Variants in DRC9 observed in about 807,000 individuals in gnomAD.
DRC9 encodes the protein dynein regulatory complex subunit 9, also known as dynein regulatory complex protein 9.
chr3:197,925,051 A>G, the DRC9 span, among the ~76,000 whole-genome samples: 1 of 152,290 alleles, frequency 6.6e-6, no homozygotes, highest in African/African-American at 2.4e-5. Flanking sequence ...AATGAAGCCC[A>G]ACCACTATGT....
the DRC9 span, among the ~76,000 whole-genome samples, chr3:197,919,636 A>G: frequency 1.3e-5 from 2 of 152,192 alleles, no homozygotes; most frequent in Non-Finnish European, 2.9e-5. Flanking sequence ...TTACTAATAA[A>G]AAGAGGCAGT....
At chr3:197,941,124 G>C in the DRC9 span, among the ~76,000 whole-genome samples, 2 of 150,936 alleles carry the variant, frequency 1.3e-5, no homozygotes, top group Non-Finnish European at 3.0e-5. Flanking sequence ...CCATTTGTTT[G>C]TCCTTCCTTC....
chr3:197,916,881 TAA>T, the DRC9 span, among the ~76,000 whole-genome samples: 7 of 139,294 alleles, frequency 5.0e-5, no homozygotes, highest in East Asian at 2.1e-4. Context: ...AATGATGAAC[TAA>T]AAAAAAAAAA....
the DRC9 span, chr3:197,938,858 T>A: frequency 9.8e-7 from 1 of 1,017,514 alleles, no homozygotes; most frequent in Non-Finnish European, 1.5e-6. Context: ...GTGTACATTT[T>A]TCAACATTAT....
At chr3:197,925,645 A>G in the DRC9 span, among the ~76,000 whole-genome samples, 2 of 148,432 alleles carry the variant, frequency 1.3e-5, no homozygotes, top group Non-Finnish European at 3.0e-5. Flanking sequence ...CTGGAGTTCA[A>G]TGGTGCAATC....
chr3:197,892,416 G>A, the DRC9 span, among the ~76,000 whole-genome samples: 4 of 152,172 alleles, frequency 2.6e-5, no homozygotes, highest in Non-Finnish European at 5.9e-5. Context: ...CATCTAAAAA[G>A]AATCCTGGTG....
At chr3:197,927,314 C>T in the DRC9 span, among the ~76,000 whole-genome samples, 1 of 152,200 alleles carries the variant, frequency 6.6e-6, no homozygotes, top group East Asian at 1.9e-4. Flanking sequence ...GCAACCTCCG[C>T]CTCCCGGGTT....
chr3:197,931,614 A>AC, the DRC9 span, among the ~76,000 whole-genome samples: 1 of 147,810 alleles, frequency 6.8e-6, no homozygotes, highest in South Asian at 2.2e-4. Flanking sequence ...AATTAAATCT[A>AC]TTTTTTTTTT....
At chr3:197,931,800 A>G in the DRC9 span, among the ~76,000 whole-genome samples, 1 of 151,058 alleles carries the variant, frequency 6.6e-6, no homozygotes, top group African/African-American at 2.4e-5. Flanking sequence ...AATTTTTTGT[A>G]TTTTTTAGTA....
At chr3:197,932,007 C>G in the DRC9 span, among the ~76,000 whole-genome samples, 2 of 152,160 alleles carry the variant, frequency 1.3e-5, no homozygotes, top group Non-Finnish European at 2.9e-5. Context: ...TCCTAGAAAT[C>G]TGACTTATTG....
the DRC9 span, among the ~76,000 whole-genome samples, chr3:197,893,357 C>CAAAAAA: frequency 3.4e-3 from 148 of 43,116 alleles, 5 homozygotes; most frequent in African/African-American, 8.8e-3. Flanking sequence ...AACTCCGTCT[C>CAAAAAA]AAAAAAAAAA....
At chr3:197,914,342 A>G in the DRC9 span, among the ~76,000 whole-genome samples, 4 of 152,222 alleles carry the variant, frequency 2.6e-5, no homozygotes, top group African/African-American at 9.6e-5. Flanking sequence ...ACACTGGTCA[A>G]AATGATCAAA....
the DRC9 span, among the ~76,000 whole-genome samples, chr3:197,918,468 A>G: frequency 6.6e-6 from 1 of 152,046 alleles, no homozygotes; most frequent in African/African-American, 2.4e-5. Context: ...TTCTTCATCA[A>G]CTGGAATCCT....
chr3:197,936,344 G>A, the DRC9 span, among the ~76,000 whole-genome samples: 4 of 152,018 alleles, frequency 2.6e-5, no homozygotes, highest in East Asian at 3.8e-4. Context: ...AAGAGTTGTA[G>A]TTTTTTTGTT....
chr3:197,913,991 C>T, the DRC9 span: 2 of 1,614,008 alleles, frequency 1.2e-6, no homozygotes, highest in East Asian at 4.5e-5. Flanking sequence ...TTGGATTTTG[C>T]CTTCATCTCT....
the DRC9 span, chr3:197,916,209 G>A: frequency 6.6e-6 from 1 of 151,460 alleles, no homozygotes; most frequent in Non-Finnish European, 1.5e-5. Context: ...TTGGCTTCAA[G>A]GGATCCTCCT....
chr3:197,899,420 T>C, the DRC9 span, among the ~76,000 whole-genome samples: 1 of 152,106 alleles, frequency 6.6e-6, no homozygotes, highest in Non-Finnish European at 1.5e-5. Flanking sequence ...GTGGAATATA[T>C]AAACACAAAG....
the DRC9 span, chr3:197,953,368 C>T: frequency 1.1e-5 from 5 of 449,858 alleles, no homozygotes; most frequent in Non-Finnish European, 2.2e-5. Context: ...AAGACAACCC[C>T]GTGGTCTTTA....
chr3:197,912,578 T>C, the DRC9 span: 2 of 857,310 alleles, frequency 2.3e-6, no homozygotes, highest in Non-Finnish European at 3.9e-6. Context: ...GCTGAAAGAA[T>C]GATGGTTGGT....
Sources: allele counts gnomAD v4.1 joint callset (sites outside exome capture counted in the v4.1 genomes callset), GRCh38; gene constraint gnomAD v4.1.1; transcripts MANE v1.5; gene names NCBI Gene and HGNC (gene_info 2026-07-23, HGNC 2026-07-21).